EGFL6: variants seen among roughly 807,000 people sequenced by gnomAD.
EGFL6 encodes EGF like domain multiple 6, also known as epidermal growth factor-like protein 6.
EGFL6 carries 42 observed loss-of-function variants against 43.1 expected under a neutral mutation model. The observed-to-expected ratio is 0.98, with a 90% CI of 0.76 to 1.26. The LOEUF is 1.26. Ranked by LOEUF, EGFL6 falls within the 50% of genes most tolerant of loss-of-function variation. The probability of loss-of-function intolerance (pLI) is 0.00; values close to 1 mark genes in which losing one functional copy is unlikely to be tolerated. For missense variants in EGFL6, 429 were observed against 427.8 expected (o/e 1.00, Z -0.02); for synonymous variants, 164 against 163.2 (o/e 1.01, Z -0.04).
At chrX:13,614,388 GCTT>G (rs1450593335) in intron 7 of EGFL6, among the ~76,000 whole-genome samples, 1 of 111,743 alleles carries the variant, frequency 8.9e-6, no homozygotes, top group African/African-American at 3.3e-5. Context: ...CTGTGATTAA[GCTT>G]CTTCTTCCAG....
chrX:13,610,933 C>A (rs910753948), intron 7 of EGFL6, among the ~76,000 whole-genome samples: 2 of 111,146 alleles, frequency 1.8e-5, no homozygotes, highest in Non-Finnish European at 3.8e-5. Context: ...TAGCAGTGCT[C>A]TCTCTGACAG....
intron 7 of EGFL6, among the ~76,000 whole-genome samples, chrX:13,614,364 A>G (rs181110466): frequency 8.9e-6 from 1 of 111,784 alleles, no homozygotes; most frequent in Non-Finnish European, 1.9e-5. Flanking sequence ...CCCATGCTGG[A>G]ACACATTCTT....
At chrX:13,596,839 G>A (rs980795974) in intron 3 of EGFL6, among the ~76,000 whole-genome samples, 2 of 112,541 alleles carry the variant, frequency 1.8e-5, no homozygotes, top group Non-Finnish European at 3.8e-5. Context: ...GCACAGGATA[G>A]CAGCACCCAC....
At chrX:13,627,364 A>G in intron 11 of EGFL6, 88 bp downstream of exon 11, 1 of 1,073,764 alleles carries the variant, frequency 9.3e-7, no homozygotes, top group Non-Finnish European at 1.3e-6. Context: ...TGAAGTATGT[A>G]GGCATTAAGG....
rs766508778 is a variant in EGFL6, at chrX:13,572,303, C to CA, written c.74+2376dup. Among the ~76,000 whole-genome samples, 8 of 110,530 alleles carry CA rather than the reference C, an allele frequency of 7.2e-5. No homozygotes were observed. The East Asian group carries it at 8.5e-4, about 12-fold the overall frequency. On this transcript the variant is annotated intron_variant, in intron 1 of 11. Transcript: ENST00000361306. ...AAGTATCAAATACACATCTAATTTT[C>CA]AAAAAAAAGAACAGGAACTATCTCA...
At chrX:13,612,915 C>A (rs938810152) in intron 7 of EGFL6, among the ~76,000 whole-genome samples, 1 of 110,488 alleles carries the variant, frequency 9.1e-6, no homozygotes, top group African/African-American at 3.3e-5. Context: ...AAGGCCGAGG[C>A]GGGTGGATTG....
At chrX:13,624,115 C>T in intron 10 of EGFL6, among the ~76,000 whole-genome samples, 190 bp downstream of exon 10, 1 of 111,126 alleles carries the variant, frequency 9.0e-6, no homozygotes, top group Non-Finnish European at 1.9e-5. Flanking sequence ...CCTACTTAAT[C>T]CCTCTCCCAC....
chrX:13,623,376 G>GTTTTTTTTTTTTTTTTTTTTTTTTTTTTT (rs1569209997), intron 9 of EGFL6, among the ~76,000 whole-genome samples: 2 of 41,033 alleles, frequency 4.9e-5, no homozygotes, highest in Admixed American at 2.6e-4. Flanking sequence ...TTTTATTTTG[G>GTTTTTTTTTTTTTTTTTTTTTTTTTTTTT]GTTTTTTTTT....
chrX:13,588,590 G>A (rs1384006018), intron 1 of EGFL6, among the ~76,000 whole-genome samples: 2 of 110,791 alleles, frequency 1.8e-5, no homozygotes, highest in East Asian at 5.6e-4. Flanking sequence ...CACTTGGTGG[G>A]GGACAGGGGG....
chrX:13,628,670 A>G (rs968401350), intron 11 of EGFL6, among the ~76,000 whole-genome samples: 1 of 111,504 alleles, frequency 9.0e-6, no homozygotes, highest in Non-Finnish European at 1.9e-5. Context: ...AAAATTAGCC[A>G]GGTGTGCAAG....
At chrX:13,618,159 T>C (rs2045729976) in intron 8 of EGFL6, 106 bp downstream of exon 8, 14 of 822,273 alleles carry the variant, frequency 1.7e-5, no homozygotes, top group Non-Finnish European at 2.4e-5. Flanking sequence ...GTAAAATGGG[T>C]TGGGTCTTAA....
At chrX:13,622,174 T>C (rs1238913710) in intron 9 of EGFL6, among the ~76,000 whole-genome samples, 2 of 110,735 alleles carry the variant, frequency 1.8e-5, no homozygotes, top group African/African-American at 6.7e-5. Flanking sequence ...AGAAAGAAAA[T>C]ATATTTGCTG....
intron 9 of EGFL6, among the ~76,000 whole-genome samples, chrX:13,623,385 T>G (rs2045760251): frequency 1.4e-5 from 1 of 69,148 alleles, no homozygotes; most frequent in Non-Finnish European, 2.7e-5. Context: ...GGGTTTTTTT[T>G]TTTTTTTTTT....
intron 2 of EGFL6, among the ~76,000 whole-genome samples, chrX:13,593,423 G>A (rs748713563): frequency 3.6e-5 from 4 of 111,771 alleles, no homozygotes; most frequent in East Asian, 2.8e-4. Flanking sequence ...GGTATCTTAC[G>A]AGCAATTTGC....
intron 5 of EGFL6, among the ~76,000 whole-genome samples, chrX:13,604,403 G>A (rs1343006877): frequency 9.0e-6 from 1 of 110,976 alleles, no homozygotes; most frequent in African/African-American, 3.3e-5. Flanking sequence ...AGGAGTGCTG[G>A]ATATTCATCC....
chrX:13,570,027 TG>T, intron 1 of EGFL6, 92 bp downstream of exon 1: 1 of 827,724 alleles, frequency 1.2e-6, no homozygotes, highest in Non-Finnish European at 1.8e-6. Flanking sequence ...CCCGCGTGTA[TG>T]GGTGTGAGTG....
At chrX:13,608,822 G>T (rs1000184540) in intron 7 of EGFL6, among the ~76,000 whole-genome samples, 1 of 112,283 alleles carries the variant, frequency 8.9e-6, no homozygotes, top group Non-Finnish European at 1.9e-5. Context: ...AAATAACAGT[G>T]GCTTAAAACC....
intron 4 of EGFL6, among the ~76,000 whole-genome samples, chrX:13,601,670 A>G (rs755710801): frequency 8.9e-6 from 1 of 112,373 alleles, no homozygotes; most frequent in East Asian, 2.8e-4. Context: ...GCAAGCAAGC[A>G]TTTGAAAATG....
intron 11 of EGFL6, among the ~76,000 whole-genome samples, 159 bp downstream of exon 11, chrX:13,627,435 G>C (rs1388749972): frequency 2.7e-5 from 3 of 112,438 alleles, no homozygotes; most frequent in Middle Eastern, 4.6e-3. Context: ...GAATAGGCAA[G>C]GTGATTAATC....
Sources: gnomAD v4.1 joint callset for allele counts (sites outside exome capture counted in the v4.1 genomes callset) on GRCh38, gnomAD v4.1.1 for gene constraint, MANE v1.5 for transcripts, NCBI Gene and HGNC (gene_info 2026-07-23, HGNC 2026-07-21) for gene names.